The following TRIP4 variants were observed in gnomAD, a reference collection of about 807,000 sequenced individuals.
TRIP4 encodes activating signal cointegrator 1.
In TRIP4, 54 loss-of-function variants were observed where a neutral mutation model predicts 81.8. That is an observed-to-expected ratio of 0.66 (90% CI 0.53 to 0.83). The LOEUF (loss-of-function observed/expected upper bound fraction) is 0.83, where lower values mean the gene tolerates loss of function less well. TRIP4 is among the 40% of genes least tolerant of loss of function. The probability of loss-of-function intolerance (pLI) is 0.00; values close to 1 mark genes in which losing one functional copy is unlikely to be tolerated. For missense variants in TRIP4, 662 were observed against 683.6 expected (o/e 0.97, Z 0.35); for synonymous variants, 270 against 242.8 (o/e 1.11, Z -1.04).
chr15:64,433,221 A>G (rs1384115342), intron 11 of TRIP4, among the ~76,000 whole-genome samples: 2 of 152,246 alleles, frequency 1.3e-5, no homozygotes, highest in African/African-American at 4.8e-5. Flanking sequence ...TTTGAAGGAT[A>G]GTAATGAAAT....
At chr15:64,423,588 A>G (rs998771033) in intron 9 of TRIP4, among the ~76,000 whole-genome samples, 2 of 151,994 alleles carry the variant, frequency 1.3e-5, no homozygotes, top group Non-Finnish European at 2.9e-5. Flanking sequence ...AGTTGTGTGT[A>G]GATGAGGATT....
intron 3 of TRIP4, 32 bp downstream of exon 3, chr15:64,395,563 C>G (rs369253162): frequency 2.7e-5 from 42 of 1,583,670 alleles, no homozygotes; most frequent in Non-Finnish European, 3.1e-5. Flanking sequence ...CTTTTTCTGA[C>G]TATTGGAGAA....
chr15:64,424,053 A>AC lies in TRIP4; in HGVS notation c.1387dup (p.His463ProfsTer12), dbSNP rs1892080268. On this transcript the variant is annotated frameshift_variant, in exon 10 of 13. Transcript: ENST00000261884. LOFTEE classifies it high-confidence loss of function. ...AAGGGTGGAGGGCAGATCCTGGTAC[A>AC]CCCCCCACAGAGGACGACTTTGGAT... The AC allele has an allele frequency of 4.3e-6, 7 of 1,613,726 alleles. No individual in the cohort carries two copies. The highest frequency in any genetic ancestry group is 1.3e-5 in the African/African-American group (1 of 74,820).
At chr15:64,402,913 G>T (rs1761912812) in intron 5 of TRIP4, among the ~76,000 whole-genome samples, 1 of 152,104 alleles carries the variant, frequency 6.6e-6, no homozygotes, top group African/African-American at 2.4e-5. Context: ...AGGCTGGAGT[G>T]TGGTGGCGTG....
At chr15:64,427,382 TC>T (rs1165242324) in intron 11 of TRIP4, among the ~76,000 whole-genome samples, 1 of 152,186 alleles carries the variant, frequency 6.6e-6, no homozygotes, top group Non-Finnish European at 1.5e-5. Flanking sequence ...TATTCTTTAC[TC>T]TTTATTTATT....
At chr15:64,407,384 G>A (rs1891651536) in intron 6 of TRIP4, among the ~76,000 whole-genome samples, 1 of 151,926 alleles carries the variant, frequency 6.6e-6, no homozygotes, top group Non-Finnish European at 1.5e-5. Flanking sequence ...AATAGAAATG[G>A]AAGCCGGGCA....
chr15:64,443,881 G>A (rs902986376), intron 11 of TRIP4, among the ~76,000 whole-genome samples: 6 of 152,088 alleles, frequency 3.9e-5, no homozygotes, highest in Admixed American at 2.0e-4. Context: ...CAAAAACAAA[G>A]TACATGTCCC....
At chr15:64,410,853 CA>C (rs1447513409) in intron 7 of TRIP4, among the ~76,000 whole-genome samples, 1 of 151,976 alleles carries the variant, frequency 6.6e-6, no homozygotes, top group Non-Finnish European at 1.5e-5. Flanking sequence ...AGAAAATGAC[CA>C]AAAACTCCAG....
chr15:64,417,734 C>T (rs1033198801), intron 8 of TRIP4, among the ~76,000 whole-genome samples: 9 of 152,316 alleles, frequency 5.9e-5, no homozygotes, highest in South Asian at 4.1e-4. Flanking sequence ...ATATTTCATG[C>T]ATCCAGTAGT....
intron 11 of TRIP4, among the ~76,000 whole-genome samples, chr15:64,430,287 T>G (rs1277908267): frequency 6.6e-6 from 1 of 152,232 alleles, no homozygotes; most frequent in Admixed American, 6.5e-5. Flanking sequence ...AGAAGTGATA[T>G]AGAAAAGGCT....
chr15:64,431,877 C>CTTTTTTTTTT (rs1199638489), intron 11 of TRIP4, among the ~76,000 whole-genome samples: 93 of 52,454 alleles, frequency 1.8e-3, no homozygotes, highest in Non-Finnish European at 2.4e-3. Flanking sequence ...ATTGTGTTTT[C>CTTTTTTTTTT]TTTTTTTTTT....
intron 6 of TRIP4, among the ~76,000 whole-genome samples, chr15:64,406,666 G>A (rs909824929): frequency 3.9e-5 from 6 of 152,196 alleles, no homozygotes; most frequent in Middle Eastern, 3.2e-3. Flanking sequence ...ATCCTGTCCT[G>A]TAGCATTTTT....
At chr15:64,419,361 T>G (rs1265757686) in intron 9 of TRIP4, among the ~76,000 whole-genome samples, 1 of 152,120 alleles carries the variant, frequency 6.6e-6, no homozygotes, top group Admixed American at 6.6e-5. Flanking sequence ...TCTTTTCTTT[T>G]CTTTTCTTTT....
At chr15:64,451,639 T>C (rs1399846527) in intron 12 of TRIP4, among the ~76,000 whole-genome samples, 3 of 151,578 alleles carry the variant, frequency 2.0e-5, no homozygotes, top group African/African-American at 7.3e-5. Flanking sequence ...ACCCGGCTAA[T>C]TTTTTATTGC....
chr15:64,394,548 T>C (rs539247479), intron 2 of TRIP4, among the ~76,000 whole-genome samples: 1 of 141,624 alleles, frequency 7.1e-6, no homozygotes, highest in Non-Finnish European at 1.5e-5. Context: ...GAGCTTGCAG[T>C]GAGCTGAGAT....
intron 12 of TRIP4, among the ~76,000 whole-genome samples, chr15:64,448,580 C>T (rs1027145768): frequency 2.6e-5 from 4 of 152,160 alleles, no homozygotes; most frequent in African/African-American, 9.7e-5. Context: ...CCTCCCACCT[C>T]AGCCTCCTAA....
At chr15:64,434,959 T>C (rs1202499457) in intron 11 of TRIP4, among the ~76,000 whole-genome samples, 1 of 152,052 alleles carries the variant, frequency 6.6e-6, no homozygotes, top group East Asian at 1.9e-4. Context: ...CTCACGCCTG[T>C]AATCCCAGCA....
chr15:64,416,345 G>T (rs1034426018), intron 8 of TRIP4, among the ~76,000 whole-genome samples: 11 of 152,224 alleles, frequency 7.2e-5, no homozygotes, highest in African/African-American at 2.7e-4. Context: ...GAAAGTGGCT[G>T]TGTAATTAGA....
intron 11 of TRIP4, among the ~76,000 whole-genome samples, chr15:64,437,895 G>A (rs115563355): frequency 1.2e-4 from 18 of 152,298 alleles, no homozygotes; most frequent in African/African-American, 4.3e-4. Context: ...TTGTCCAGGT[G>A]AGTTATGATG....
Sources: gnomAD v4.1 joint callset for allele counts (sites outside exome capture counted in the v4.1 genomes callset) on GRCh38, gnomAD v4.1.1 for gene constraint, MANE v1.5 for transcripts, NCBI Gene and HGNC (gene_info 2026-07-23, HGNC 2026-07-21) for gene names.